The following GABRA4 variants were observed in gnomAD, a reference collection of about 807,000 sequenced individuals.
The protein encoded by GABRA4 is gamma-aminobutyric acid receptor subunit alpha-4.
Under a neutral mutation model 49.7 loss-of-function variants are expected in GABRA4, and 12 were observed. The observed-to-expected ratio is 0.24, with a 90% confidence interval of 0.15 to 0.39. The LOEUF (loss-of-function observed/expected upper bound fraction) is 0.39. Ranked by LOEUF, GABRA4 falls within the 10% of genes least tolerant of loss-of-function variation. The pLI is 1.00. For missense variants in GABRA4, 506 were observed against 686.0 expected (o/e 0.74, Z 2.93); for synonymous variants, 288 against 240.2 (o/e 1.20, Z -1.84).
At position 46,974,308 on chromosome 4, in the gene GABRA4, C is replaced by G; in HGVS notation, c.645G>C (p.Pro215=). ...TKGPEKSVEV[P]KESSSLVQYD... ...ATTGAACTAAGCTGGAAGACTCCTT[C>G]GGAACTTCAACTGATTTCTCAGGAC... is the stretch of plus-strand genomic sequence containing the variant. The change falls in exon 6 of 9, where the codon CCG becomes CCC. Residue 215 remains proline, a synonymous_variant. Coordinates refer to ENST00000264318, the MANE Select transcript of GABRA4 (RefSeq NM_000809.4). 6.2e-7 allele frequency: 1 copy of G among 1,611,778 alleles called. No homozygotes were observed.
chr4:46,971,373 T>C (rs913293558), intron 6 of GABRA4, 138 bp from the exon 7 acceptor site: 7 of 732,656 alleles, frequency 9.6e-6, no homozygotes, highest in Non-Finnish European at 4.7e-6. Context: ...CAAACATCAA[T>C]AAGTATGTAG....
chr4:46,954,793 A>G lies in GABRA4; in HGVS notation c.1134+10177T>C, dbSNP rs554727048. ...TTAATGCCTGCCTGCAGTTATTTCTAGGTGAGAGGCAGCACCATGAATCTG... is the reference window on the plus strand; with the variant it reads ...TTAATGCCTGCCTGCAGTTATTTCTGGGTGAGAGGCAGCACCATGAATCTG... On this transcript the variant is annotated intron_variant, in intron 8 of 8. Transcript: ENST00000264318. Among the ~76,000 whole-genome samples, 7 of 152,204 alleles carry G rather than the reference A, an allele frequency of 4.6e-5. No individual in the cohort carries two copies. The East Asian group carries it at 1.4e-3, about 30-fold the overall frequency.
At position 46,927,923 on chromosome 4, in the gene GABRA4, A is replaced by T. The variant is rs952726185; in HGVS notation, c.*302T>A. On this transcript the variant is annotated 3_prime_UTR_variant, in exon 9 of 9. Transcript: ENST00000264318. ...TGTCATAGTCTGTTTTCAAATATCA[A>T]TGAAAAAATATGCGCCACTTGTCTC... 1 of 221,126 alleles carries T rather than the reference A, an allele frequency of 4.5e-6. No homozygotes were observed. The highest frequency in any genetic ancestry group is 8.5e-5 in the South Asian group (1 of 11,826). 13.7% of individuals were successfully genotyped at this position (221,126 alleles called of 1,614,324 possible).
intron 5 of GABRA4, among the ~76,000 whole-genome samples, chr4:46,975,157 T>C (rs1046506167): frequency 1.3e-5 from 2 of 151,920 alleles, no homozygotes; most frequent in African/African-American, 2.4e-5. Context: ...CACAAGTAAG[T>C]TCAAAAGAAC....
intron 8 of GABRA4, among the ~76,000 whole-genome samples, chr4:46,941,460 A>G (rs1164010060): frequency 6.6e-6 from 1 of 152,104 alleles, no homozygotes; most frequent in Non-Finnish European, 1.5e-5. Context: ...GGTAATTTCC[A>G]TAAAGTGCTT....
intron 2 of GABRA4, among the ~76,000 whole-genome samples, chr4:46,982,954 C>T (rs1015928815): frequency 6.6e-6 from 1 of 151,792 alleles, no homozygotes; most frequent in South Asian, 2.1e-4. Context: ...GAACAATAAG[C>T]GAAGATACAA....
intron 8 of GABRA4, among the ~76,000 whole-genome samples, chr4:46,941,464 A>T (rs1226486442): frequency 6.6e-6 from 1 of 152,078 alleles, no homozygotes; most frequent in African/African-American, 2.4e-5. Context: ...ATTTCCATAA[A>T]GTGCTTAACA....
At chr4:46,931,154 G>A (rs76638054) in intron 8 of GABRA4, among the ~76,000 whole-genome samples, 15,779 of 152,018 alleles carry the variant, frequency 0.1, 975 homozygotes, top group South Asian at 0.23. Flanking sequence ...AACTACCCAA[G>A]GCTGAAAGGA....
intron 8 of GABRA4, among the ~76,000 whole-genome samples, chr4:46,959,838 GTGTGTGTGTGTGTA>G (rs1022717597): frequency 3.7e-5 from 5 of 135,748 alleles, no homozygotes; most frequent in Admixed American, 8.6e-5. Context: ...ATATATATGT[GTGTGTGTGTGTGTA>G]TGTGTGTGTG....
intron 2 of GABRA4, among the ~76,000 whole-genome samples, chr4:46,984,182 G>A (rs1420911106): frequency 6.6e-6 from 1 of 151,980 alleles, no homozygotes; most frequent in African/African-American, 2.4e-5. Context: ...CTTGAAACTA[G>A]TCCATCCTCA....
In GABRA4 at chr4:46,927,585, T is replaced by A. The variant is rs1380086651; in HGVS notation, c.*640A>T. 1 of 152,536 alleles carries A rather than the reference T, an allele frequency of 6.6e-6. No homozygotes were observed. The highest frequency in any genetic ancestry group is 1.5e-5 in the Non-Finnish European group (1 of 68,022). 9.4% of individuals were successfully genotyped at this position (152,536 alleles called of 1,614,324 possible). A position where few individuals can be genotyped will look rare whatever the true frequency, so the allele number is the denominator to read the frequency against. On this transcript the variant is annotated 3_prime_UTR_variant, in exon 9 of 9. Coordinates refer to ENST00000264318, the MANE Select transcript of GABRA4 (RefSeq NM_000809.4). ...AAAGAATTCATACAATGAGTTAAACTTTGGCTCAGAGAACAAAATTTCAAG... is the reference window on the plus strand; with the variant it reads ...AAAGAATTCATACAATGAGTTAAACATTGGCTCAGAGAACAAAATTTCAAG...
intron 8 of GABRA4, among the ~76,000 whole-genome samples, chr4:46,947,927 A>C (rs1326363022): frequency 6.6e-6 from 1 of 152,048 alleles, no homozygotes; most frequent in Non-Finnish European, 1.5e-5. Flanking sequence ...TTTCAATCAG[A>C]AGGGCTGGGT....
intron 7 of GABRA4, among the ~76,000 whole-genome samples, chr4:46,970,002 CT>C (rs936339763): frequency 6.6e-6 from 1 of 151,228 alleles, no homozygotes; most frequent in Non-Finnish European, 1.5e-5. Flanking sequence ...AGTACTTTTT[CT>C]TTCTATTTTT....
intron 6 of GABRA4, 101 bp from the exon 7 acceptor site, chr4:46,971,336 A>T: frequency 2.8e-6 from 3 of 1,085,862 alleles, no homozygotes; most frequent in Non-Finnish European, 2.8e-6. Context: ...TTCTAAGGAA[A>T]GAAATTCTCT....
At chr4:46,966,826 A>T (rs1722769087) in intron 7 of GABRA4, among the ~76,000 whole-genome samples, 1 of 151,786 alleles carries the variant, frequency 6.6e-6, no homozygotes, top group Non-Finnish European at 1.5e-5. Flanking sequence ...CCTTTTAAAA[A>T]TATTTTGTGA....
intron 8 of GABRA4, among the ~76,000 whole-genome samples, chr4:46,952,807 C>T (rs749706576): frequency 6.6e-6 from 1 of 151,568 alleles, no homozygotes; most frequent in Non-Finnish European, 1.5e-5. Context: ...AAGTGCTGGC[C>T]CACTCACATT....
intron 8 of GABRA4, among the ~76,000 whole-genome samples, chr4:46,945,935 G>C (rs923108708): frequency 6.6e-6 from 1 of 152,078 alleles, no homozygotes; most frequent in East Asian, 1.9e-4. Context: ...TGAAGAATAA[G>C]CAGTCAAAGC....
chr4:46,987,185 T>C (rs1265712114), intron 2 of GABRA4, among the ~76,000 whole-genome samples: 1 of 152,082 alleles, frequency 6.6e-6, no homozygotes, highest in Admixed American at 6.6e-5. Flanking sequence ...TGATCCCCTT[T>C]TATGCCTCAG....
intron 2 of GABRA4, among the ~76,000 whole-genome samples, chr4:46,987,651 A>G (rs919743443): frequency 6.6e-6 from 1 of 152,016 alleles, no homozygotes; most frequent in Admixed American, 6.6e-5. Context: ...TAAACCTCCA[A>G]AAACTCACTT....
Sources: gnomAD v4.1 joint callset for allele counts (sites outside exome capture counted in the v4.1 genomes callset) on GRCh38, gnomAD v4.1.1 for gene constraint, MANE v1.5 for transcripts, NCBI Gene and HGNC (gene_info 2026-07-23, HGNC 2026-07-21) for gene names.